Variants in MADD observed in about 807,000 individuals in gnomAD.
MADD encodes MAP kinase activating death domain.
MADD carries 109 observed loss-of-function variants against 176.7 expected under a neutral mutation model. The observed-to-expected ratio is 0.62, with a 90% confidence interval of 0.53 to 0.72. The LOEUF is 0.72. MADD is among the 30% of genes least tolerant of loss of function. MADD has a pLI of 0.00. For synonymous variants in MADD, 771 were observed against 771.3 expected (o/e 1.00, Z 0.01); for missense variants, 1,914 against 2,045.5 (o/e 0.94, Z 1.24).
chr11:47,282,269 C>G (rs918920320), intron 8 of MADD, 112 bp from the exon 9 acceptor site: 3 of 756,744 alleles, frequency 4.0e-6, no homozygotes, highest in Non-Finnish European at 6.7e-6. Flanking sequence ...ATATCTCTCC[C>G]CTTGATGTTG....
chr11:47,324,014 A>G (rs2095011620), intron 28 of MADD, 179 bp downstream of exon 31: 3 of 690,802 alleles, frequency 4.3e-6, no homozygotes, highest in African/African-American at 1.8e-5. Flanking sequence ...AGTAGTCACA[A>G]TCGGTATTAA....
chr11:47,278,115 C>A, intron 5 of MADD, 50 bp from the exon 6 acceptor site: 2 of 1,225,250 alleles, frequency 1.6e-6, no homozygotes, highest in Non-Finnish European at 2.4e-6. Flanking sequence ...TTGATAAGTG[C>A]TCATGATAGG....
At chr11:47,302,690 T>G (rs1332591624) in intron 22 of MADD, among the ~76,000 whole-genome samples, 1 of 152,230 alleles carries the variant, frequency 6.6e-6, no homozygotes, top group African/African-American at 2.4e-5. Flanking sequence ...CAAGTATTTT[T>G]TTTTTTTAAT....
At chr11:47,322,854 T>C (rs1364403314) in intron 27 of MADD, among the ~76,000 whole-genome samples, 1 of 152,206 alleles carries the variant, frequency 6.6e-6, no homozygotes, top group Non-Finnish European at 1.5e-5. Context: ...CCTACCTTTG[T>C]GTTTGTCAAC....
chr11:47,274,123 A>G, intron 2 of MADD, 147 bp downstream of exon 2: 1 of 724,804 alleles, frequency 1.4e-6, no homozygotes, highest in Non-Finnish European at 2.3e-6. Flanking sequence ...GCCAGTAGGG[A>G]AAAAACAAAA....
intron 30 of MADD, 81 bp from the exon 35 acceptor site, chr11:47,326,657 G>A: frequency 6.4e-7 from 1 of 1,561,314 alleles, no homozygotes; most frequent in East Asian, 2.3e-5. Context: ...GTGTGGGTGG[G>A]GCTGTAGCTG....
At chr11:47,290,255 T>A in exon 18 of MADD, 1 of 1,614,122 alleles carries the variant, frequency 6.2e-7, no homozygotes, top group Non-Finnish European at 8.5e-7. Flanking sequence ...ATGGCCAGCA[T>A]CTTTGGGCTT....
Position 47,325,011 on chromosome 11 carries a change from G to A in MADD, c.4542+434G>A, listed in dbSNP as rs934046860. 9.3e-6 allele frequency: 5 copies of A among 534,916 alleles called. No individual in the cohort carries two copies. The highest frequency in any genetic ancestry group is 2.2e-5 in the South Asian group (1 of 44,942). The allele number at this position is 534,916 out of a possible 1,614,324, so 33.1% of individuals were successfully genotyped here. On this transcript the variant is annotated intron_variant, in intron 30 of 32. Coordinates refer to ENST00000402192, the Ensembl canonical transcript of MADD. This position sits in a 1 kb window ranked among gnomAD's most constrained non-coding sequence, Gnocchi z 4.5. ...GTGCGTGCAGCTTGCGTGTGCGTGC[G>A]TGCGTGCCTGCGTGCTTGTGTGTAA...
At chr11:47,323,457 C>T (rs903548315) in intron 27 of MADD, among the ~76,000 whole-genome samples, 3 of 151,876 alleles carry the variant, frequency 2.0e-5, no homozygotes, top group African/African-American at 7.3e-5. Flanking sequence ...CCTTATACAT[C>T]GGTTCCTTCT....
At chr11:47,309,872 TG>T (rs1163892584) in intron 25 of MADD, among the ~76,000 whole-genome samples, 1 of 150,910 alleles carries the variant, frequency 6.6e-6, no homozygotes, top group Non-Finnish European at 1.5e-5. Flanking sequence ...GACGGAGTCT[TG>T]CTCTGTCACC....
upstream of MADD, chr11:47,269,432 G>GT (rs1958229606): frequency 6.6e-6 from 1 of 152,380 alleles, no homozygotes; most frequent in African/African-American, 2.4e-5. Context: ...GCATGCCTTG[G>GT]TTTTTCCTTT....
chr11:47,281,682 G>C (rs370257808), exon 8 of MADD: 2 of 1,613,558 alleles, frequency 1.2e-6, no homozygotes, highest in Non-Finnish European at 1.7e-6. Context: ...ATGACCTGCA[G>C]TCCACACCGT....
rs1227824442 is a variant in MADD, at chr11:47,295,483, T to G, written c.3403-13T>G. On this transcript the variant is annotated splice_polypyrimidine_tract_variant and intron_variant, in intron 20 of 32. Transcript: ENST00000402192. ...TTGGACACCTCCCCTAATGTTCCTG[T>G]GTCTTGTTTCAGAGGACTGATCAAG... 1 of 1,606,932 alleles carries G rather than the reference T, an allele frequency of 6.2e-7. No individual in the cohort carries two copies. The highest frequency in any genetic ancestry group is 8.5e-7 in the Non-Finnish European group (1 of 1,173,512).
chr11:47,327,064 G>A (rs2095522552), intron 31 of MADD: 5 of 1,222,410 alleles, frequency 4.1e-6, no homozygotes, highest in Non-Finnish European at 5.1e-6. Context: ...AAGCAGCTCA[G>A]TGAAGTAGCA....
At chr11:47,327,904 C>T (rs376913396) in intron 31 of MADD, 2 of 985,346 alleles carry the variant, frequency 2.0e-6, no homozygotes, top group African/African-American at 1.7e-5. Flanking sequence ...CCAAGCAGAA[C>T]CCCTGCATGG....
chr11:47,279,063 A>G, exon 7 of MADD: 3 of 1,613,998 alleles, frequency 1.9e-6, no homozygotes, highest in Non-Finnish European at 2.5e-6. Context: ...CTAGAGCTGA[A>G]AAAGCATTTA....
intron 21 of MADD, 55 bp downstream of exon 23, chr11:47,295,634 G>C: frequency 6.2e-7 from 1 of 1,610,894 alleles, no homozygotes; most frequent in South Asian, 1.1e-5. Context: ...TTCCCCTTTG[G>C]AAAAGGGTGC....
exon 19 of MADD, chr11:47,290,672 G>C: frequency 1.2e-6 from 2 of 1,614,152 alleles, no homozygotes; most frequent in Non-Finnish European, 1.7e-6. Context: ...CAAGGATCCT[G>C]GCCTAGCTGG....
intron 13 of MADD, 118 bp from the exon 14 acceptor site, chr11:47,285,333 C>G: frequency 6.4e-7 from 1 of 1,551,886 alleles, no homozygotes; most frequent in South Asian, 1.2e-5. Flanking sequence ...GTGTTCTGAT[C>G]CAGGGGCTTA....
Sources: gnomAD v4.1 joint callset for allele counts (sites outside exome capture counted in the v4.1 genomes callset) on GRCh38, gnomAD v4.1.1 for gene constraint, Gnocchi (gnomAD v3.1) non-coding constraint, MANE v1.5 for transcripts, NCBI Gene and HGNC (gene_info 2026-07-23, HGNC 2026-07-21) for gene names.